Variants in DOCK3 observed in about 807,000 individuals in gnomAD.
The protein encoded by DOCK3 is dedicator of cytokinesis protein 3.
In DOCK3, 60 loss-of-function variants were observed where a neutral mutation model predicts 265.6. That is an observed-to-expected ratio of 0.23 (90% CI 0.18 to 0.28). The LOEUF is 0.28. DOCK3 is among the 10% of genes least tolerant of loss of function. DOCK3 has a pLI of 1.00. For missense variants in DOCK3, 1,981 were observed against 2,594.3 expected (o/e 0.76, Z 5.14); for synonymous variants, 881 against 938.0 (o/e 0.94, Z 1.11).
intron 49 of DOCK3, among the ~76,000 whole-genome samples, chr3:51,373,809 C>T (rs995239275): frequency 6.6e-6 from 1 of 152,180 alleles, no homozygotes; most frequent in Non-Finnish European, 1.5e-5. Flanking sequence ...CAGAGCAAAA[C>T]CCCGGAGAGC....
intron 5 of DOCK3, among the ~76,000 whole-genome samples, chr3:50,956,500 T>C (rs940747699): frequency 6.6e-6 from 1 of 152,260 alleles, no homozygotes; most frequent in Non-Finnish European, 1.5e-5. Flanking sequence ...GGTTGGATTT[T>C]GGTGGTGATT....
rs145948159 is a variant in DOCK3, at chr3:51,176,007, T to G, written c.1037+15305T>G. On this transcript the variant is annotated intron_variant, in intron 12 of 52. Coordinates refer to ENST00000266037, the MANE Select transcript of DOCK3 (RefSeq NM_004947.5). ...GTCATACGAGGAAGACTCAAATAAG[T>G]CTGTGACCATAGAACTGCTCTATTT... 1.4e-3 allele frequency among the ~76,000 whole-genome samples: 210 copies of G among 152,314 alleles called. 2 individuals carry two copies. Among genetic ancestry groups the G allele is most frequent in the African/African-American group, 4.8e-3 (200 of 41,568 alleles).
intron 5 of DOCK3, among the ~76,000 whole-genome samples, chr3:51,049,578 A>G (rs529168048): frequency 6.6e-6 from 1 of 152,138 alleles, no homozygotes; most frequent in Admixed American, 6.5e-5. Flanking sequence ...TAGGTGTGGA[A>G]TTTTTCACTT....
intron 3 of DOCK3, among the ~76,000 whole-genome samples, chr3:50,845,814 T>G (rs2046052618): frequency 6.6e-6 from 1 of 152,170 alleles, no homozygotes; most frequent in South Asian, 2.1e-4. Context: ...AAGGTAAATA[T>G]TGAAGTATTT....
At chr3:51,262,367 T>G (rs933708017) in intron 23 of DOCK3, among the ~76,000 whole-genome samples, 2 of 151,942 alleles carry the variant, frequency 1.3e-5, no homozygotes, top group African/African-American at 4.8e-5. Flanking sequence ...AGGAATAGCA[T>G]CAACATCAAC....
At chr3:51,133,339 T>C (rs1465066671) in intron 9 of DOCK3, among the ~76,000 whole-genome samples, 9 of 105,228 alleles carry the variant, frequency 8.6e-5, no homozygotes, top group African/African-American at 1.9e-4. Flanking sequence ...ACAGGCCCCA[T>C]TGTGTGATGT....
chr3:50,803,531 C>A (rs560243407), intron 2 of DOCK3, among the ~76,000 whole-genome samples: 1 of 152,014 alleles, frequency 6.6e-6, no homozygotes, highest in Non-Finnish European at 1.5e-5. Context: ...ACTTCCCCCC[C>A]TTCCACTCAA....
intron 3 of DOCK3, among the ~76,000 whole-genome samples, chr3:50,870,019 G>A (rs948023481): frequency 5.3e-5 from 8 of 152,140 alleles, no homozygotes; most frequent in African/African-American, 1.9e-4. Flanking sequence ...AATATTGTAA[G>A]AGTTGTTTTG....
intron 27 of DOCK3, among the ~76,000 whole-genome samples, chr3:51,308,208 A>G (rs1022881853): frequency 2.0e-5 from 3 of 149,904 alleles, no homozygotes; most frequent in Non-Finnish European, 4.4e-5. Context: ...CATTGTTATT[A>G]TTCATCCATT....
At chr3:51,377,930 C>T (rs1304944084) in intron 51 of DOCK3, among the ~76,000 whole-genome samples, 1 of 152,170 alleles carries the variant, frequency 6.6e-6, no homozygotes, top group Non-Finnish European at 1.5e-5. Context: ...GCTTCCTATT[C>T]CCTGATATTT....
intron 1 of DOCK3, among the ~76,000 whole-genome samples, chr3:50,773,890 A>T (rs1363264521): frequency 6.6e-6 from 1 of 152,052 alleles, no homozygotes; most frequent in Non-Finnish European, 1.5e-5. Context: ...AAGCCTGTAC[A>T]ATATTAAGTG....
intron 1 of DOCK3, among the ~76,000 whole-genome samples, chr3:50,684,422 A>G (rs1413785374): frequency 6.6e-6 from 1 of 152,228 alleles, no homozygotes; most frequent in African/African-American, 2.4e-5. Flanking sequence ...GCAGGCTGTA[A>G]ACCTAATAAT....
At chr3:51,113,647 A>T (rs2083613946) in intron 9 of DOCK3, among the ~76,000 whole-genome samples, 1 of 152,164 alleles carries the variant, frequency 6.6e-6, no homozygotes. Flanking sequence ...ACTCACATAG[A>T]TGTCTCCATC....
intron 3 of DOCK3, among the ~76,000 whole-genome samples, chr3:50,842,753 T>C (rs141896153): frequency 1.6e-4 from 24 of 152,326 alleles, no homozygotes; most frequent in African/African-American, 5.3e-4. Context: ...ATTTTTCTTA[T>C]ATTTCTGATT....
intron 5 of DOCK3, among the ~76,000 whole-genome samples, chr3:51,050,368 CATA>C (rs2080950409): frequency 6.6e-6 from 1 of 152,150 alleles, no homozygotes; most frequent in African/African-American, 2.4e-5. Context: ...GTCCAGATTA[CATA>C]ATAATATTTT....
At chr3:51,061,436 A>G (rs1371466137) in intron 5 of DOCK3, among the ~76,000 whole-genome samples, 2 of 152,080 alleles carry the variant, frequency 1.3e-5, no homozygotes, top group African/African-American at 2.4e-5. Context: ...GCTGGAAACC[A>G]CCATTCTCAG....
intron 4 of DOCK3, among the ~76,000 whole-genome samples, chr3:50,905,242 T>C (rs1341562270): frequency 1.3e-5 from 2 of 152,072 alleles, no homozygotes; most frequent in African/African-American, 2.4e-5. Flanking sequence ...CTTGGCAATG[T>C]GGGCCCTTTT....
intron 3 of DOCK3, among the ~76,000 whole-genome samples, chr3:50,870,325 T>G (rs978386571): frequency 1.3e-5 from 2 of 152,216 alleles, no homozygotes; most frequent in Non-Finnish European, 2.9e-5. Context: ...TTAAAATTGT[T>G]ATATTCTGTT....
intron 1 of DOCK3, among the ~76,000 whole-genome samples, chr3:50,752,861 A>G (rs2039923878): frequency 6.6e-6 from 1 of 152,230 alleles, no homozygotes; most frequent in Non-Finnish European, 1.5e-5. Flanking sequence ...ATGATCTACA[A>G]TACTATAAAT....
Sources: gnomAD v4.1 joint callset for allele counts (sites outside exome capture counted in the v4.1 genomes callset) on GRCh38, gnomAD v4.1.1 for gene constraint, MANE v1.5 for transcripts, NCBI Gene and HGNC (gene_info 2026-07-23, HGNC 2026-07-21) for gene names.